The following KLHL18 variants were observed in gnomAD, a reference collection of about 807,000 sequenced individuals.
The protein encoded by KLHL18 is kelch-like protein 18.
A neutral mutation model predicts 58.5 loss-of-function variants in KLHL18; 38 were observed. That is an observed-to-expected ratio of 0.65 (90% CI 0.50 to 0.85). KLHL18 has a LOEUF of 0.85. Among genes scored for constraint, KLHL18 ranks in the 40% least tolerant of loss-of-function variants. KLHL18 has a pLI of 0.00. For missense variants in KLHL18, 624 were observed against 778.4 expected, an observed-to-expected ratio of 0.80 and a Z score of 2.36; for synonymous variants, 303 against 301.9, an observed-to-expected ratio of 1.00 and a Z score of -0.04.
rs571977881 is a variant in KLHL18, at chr3:47,325,570, A to G, written c.401+2862A>G. 9.2e-5 allele frequency among the ~76,000 whole-genome samples: 14 copies of G among 152,286 alleles called. No individual in the cohort carries two copies. The South Asian group carries it at 2.5e-3, about 27-fold the overall frequency. On this transcript the variant is annotated intron_variant, in intron 3 of 9. Transcript: ENST00000232766. ...CATTCTGAGCACCAGTGGAAAAGAT[A>G]TGTGACAGCACAGAGAAGCCACAAT... is the stretch of plus-strand genomic sequence containing the variant.
At chr3:47,290,851 C>A (rs1173582643) in intron 1 of KLHL18, among the ~76,000 whole-genome samples, 1 of 152,210 alleles carries the variant, frequency 6.6e-6, no homozygotes, top group Non-Finnish European at 1.5e-5. Context: ...AATTTCCTAT[C>A]AAAAATTCAG....
chr3:47,316,721 G>GTATA lies in KLHL18; in HGVS notation c.130-2931_130-2930insATAT, dbSNP rs200427407. ...TACATATATACGTATATATGTATAT[G>GTATA]TGTGTGTATATATACATATATACGT... On this transcript the variant is annotated intron_variant, in intron 1 of 9. Coordinates refer to ENST00000232766, the MANE Select transcript of KLHL18 (RefSeq NM_025010.5). Among the ~76,000 whole-genome samples, 136 of 3,072 alleles carry GTATA rather than the reference G, an allele frequency of 0.044. 30 individuals carry two copies. The East Asian group carries it at 0.56, about 13-fold the overall frequency. 2.0% of individuals were successfully genotyped at this position (3,072 alleles called of 152,430 possible). A position where few individuals can be genotyped will look rare whatever the true frequency, so the allele number is the denominator to read the frequency against.
intron 1 of KLHL18, among the ~76,000 whole-genome samples, chr3:47,312,905 A>AT (rs35710141): frequency 0.071 from 8,414 of 117,910 alleles, 429 homozygotes; most frequent in Non-Finnish European, 0.1. Context: ...ATACCTTTTA[A>AT]TTTTTTTTTT....
At chr3:47,326,288 T>A (rs1703719648) in intron 3 of KLHL18, among the ~76,000 whole-genome samples, 1 of 152,156 alleles carries the variant, frequency 6.6e-6, no homozygotes, top group Admixed American at 6.5e-5. Flanking sequence ...AGAGGTAGAT[T>A]GGTACACCAA....
intron 1 of KLHL18, among the ~76,000 whole-genome samples, chr3:47,312,109 C>T (rs574868243): frequency 1.1e-4 from 16 of 152,158 alleles, no homozygotes; most frequent in Non-Finnish European, 2.1e-4. Context: ...AAATTTGCTT[C>T]GTAGATGCTA....
chr3:47,328,058 A>G (rs1450140806), intron 3 of KLHL18, among the ~76,000 whole-genome samples: 1 of 152,178 alleles, frequency 6.6e-6, no homozygotes, highest in Non-Finnish European at 1.5e-5. Context: ...GAATTTTCTT[A>G]GATGCAACAG....
At chr3:47,285,142 G>A (rs943561574) in intron 1 of KLHL18, among the ~76,000 whole-genome samples, 1 of 152,196 alleles carries the variant, frequency 6.6e-6, no homozygotes, top group African/African-American at 2.4e-5. Context: ...CCTCCTGAAG[G>A]AGGTTGTTTT....
chr3:47,308,649 G>T (rs1012361247), intron 1 of KLHL18, among the ~76,000 whole-genome samples: 6 of 152,202 alleles, frequency 3.9e-5, no homozygotes, highest in African/African-American at 9.6e-5. Flanking sequence ...CCTTGGCCTC[G>T]CAAAGTGCTG....
In KLHL18 at chr3:47,300,193, C is replaced by A. The variant is rs1702985603; in HGVS notation, c.129+17099C>A. On this transcript the variant is annotated intron_variant, in intron 1 of 9. Coordinates refer to ENST00000232766, the MANE Select transcript of KLHL18 (RefSeq NM_025010.5). ...ACCTTCTCTCTCTCCCCACCTCCTT[C>A]TTTTCCTCCTTCCTACTTTCTTCCC... 2.0e-5 allele frequency among the ~76,000 whole-genome samples: 3 copies of A among 150,426 alleles called. No homozygotes were observed. The South Asian group carries it at 6.4e-4, about 32-fold the overall frequency.
Position 47,333,317 on chromosome 3 carries a change from G to C in KLHL18, c.761G>C (p.Arg254Thr). 1.2e-6 allele frequency: 2 copies of C among 1,612,772 alleles called. No individual in the cohort carries two copies. Among genetic ancestry groups the C allele is most frequent in the Non-Finnish European group, 1.7e-6 (2 of 1,179,266 alleles). The part of the protein sequence containing the change: ...DDLVRCCHKC[R>T]DLVDEAKDYH... ...CTGGTGCGTTGCTGCCACAAATGCA[G>C]GTGAGTGAGGGTGGACCTGCACAGG... is the stretch of plus-strand genomic sequence containing the variant. The change falls in exon 5 of 10, where the codon AGG (arginine) becomes ACG (threonine). Residue 254 changes from arginine (R) to threonine (T), a missense_variant and splice_region_variant. Arg to Thr is a moderately conservative substitution (Grantham distance 71). Transcript: ENST00000232766.
chr3:47,311,050 C>T (rs1703287763), intron 1 of KLHL18, among the ~76,000 whole-genome samples: 1 of 151,788 alleles, frequency 6.6e-6, no homozygotes, highest in African/African-American at 2.4e-5. Context: ...CGCTCTGTCG[C>T]CCAGGCTGGA....
At chr3:47,329,599 T>C (rs994498547) in intron 3 of KLHL18, among the ~76,000 whole-genome samples, 5 of 152,214 alleles carry the variant, frequency 3.3e-5, no homozygotes, top group African/African-American at 1.2e-4. Flanking sequence ...GATAATGCCC[T>C]GGACACTCAA....
intron 1 of KLHL18, among the ~76,000 whole-genome samples, chr3:47,287,712 T>C (rs1037679439): frequency 6.6e-6 from 1 of 152,118 alleles, no homozygotes; most frequent in African/African-American, 2.4e-5. Flanking sequence ...CTCAAACTTA[T>C]GACCTCAAGT....
intron 3 of KLHL18, 68 bp downstream of exon 3, chr3:47,322,776 C>A: frequency 6.9e-7 from 1 of 1,453,390 alleles, no homozygotes; most frequent in Non-Finnish European, 9.1e-7. Context: ...TGCCAGTTTG[C>A]TGAGTTCTTG....
rs538960848 is a variant in KLHL18 at position 47,283,602 on chromosome 3, G to A, written c.129+508G>A. On this transcript the variant is annotated intron_variant, in intron 1 of 9. Transcript: ENST00000232766. The stretch of plus-strand genomic sequence containing the variant: ...CTTAAGAGCTTTTAAAATCTTCTCT[G>A]GAAAATTTTTGAGGTGGGAAGCCAC... Among the ~76,000 whole-genome samples, 3 of 152,238 alleles carry A rather than the reference G, an allele frequency of 2.0e-5. No individual in the cohort carries two copies. In the South Asian group the frequency reaches 6.2e-4, roughly 32 times the overall value.
Position 47,345,991 on chromosome 3 carries a change from C to T in KLHL18, c.*2050C>T, listed in dbSNP as rs1278913419. The T allele has an allele frequency of 6.6e-6, 1 of 152,638 alleles. No individual in the cohort carries two copies. The allele number at this position is 152,638 out of a possible 1,614,324, so 9.5% of individuals were successfully genotyped here. ...GGGCTCCAGCATTTCTCCCTCCTTC[C>T]TGGTTTGCCTGTAGGGGTAGACTCG... is the stretch of plus-strand genomic sequence containing the variant. On this transcript the variant is annotated 3_prime_UTR_variant, in exon 10 of 10. Coordinates refer to ENST00000232766, the MANE Select transcript of KLHL18 (RefSeq NM_025010.5).
chr3:47,286,171 G>A (rs917808110), intron 1 of KLHL18, among the ~76,000 whole-genome samples: 1 of 152,176 alleles, frequency 6.6e-6, no homozygotes, highest in South Asian at 2.1e-4. Flanking sequence ...AAAGCCTTCA[G>A]TGGGAAGGAC....
At chr3:47,283,788 C>T (rs1009999541) in intron 1 of KLHL18, among the ~76,000 whole-genome samples, 1 of 152,210 alleles carries the variant, frequency 6.6e-6, no homozygotes, top group African/African-American at 2.4e-5. Flanking sequence ...AGCCTCCCTC[C>T]TGTGCCTGGG....
At chr3:47,309,624 G>A (rs1307898051) in intron 1 of KLHL18, among the ~76,000 whole-genome samples, 3 of 152,326 alleles carry the variant, frequency 2.0e-5, no homozygotes, top group East Asian at 1.9e-4. Flanking sequence ...CTGCAATCTC[G>A]GCACTTTGGG....
Sources: allele counts gnomAD v4.1 joint callset (sites outside exome capture counted in the v4.1 genomes callset), GRCh38; gene constraint gnomAD v4.1.1; transcripts MANE v1.5; gene names NCBI Gene and HGNC (gene_info 2026-07-23, HGNC 2026-07-21).